OR2L13: variants seen among roughly 807,000 people sequenced by gnomAD.
OR2L13 encodes olfactory receptor 2L13.
Under a neutral mutation model 15.3 loss-of-function variants are expected in OR2L13, and 14 were observed. That is an observed-to-expected ratio of 0.91 (90% CI 0.60 to 1.43). The LOEUF is 1.43. Among genes scored for constraint, OR2L13 ranks in the 40% most tolerant of loss-of-function variants. The probability of loss-of-function intolerance (pLI) is 0.00; values close to 1 mark genes in which losing one functional copy is unlikely to be tolerated. For synonymous variants in OR2L13, 152 were observed against 142.9 expected (o/e 1.06, Z -0.45); for missense variants, 367 against 387.9 (o/e 0.95, Z 0.45).
At chr1:248,054,538 G>C in the OR2L13 span, among the ~76,000 whole-genome samples, 5 of 152,078 alleles carry the variant, frequency 3.3e-5, no homozygotes, top group Non-Finnish European at 7.4e-5. Flanking sequence ...GGGCGGTATG[G>C]CCATTTTCAC....
chr1:247,957,267 C>T, the OR2L13 span, among the ~76,000 whole-genome samples: 1 of 152,172 alleles, frequency 6.6e-6, no homozygotes, highest in East Asian at 1.9e-4. Context: ...ATATGTTGAA[C>T]CAACCTTGCA....
chr1:247,994,418 A>G, the OR2L13 span, among the ~76,000 whole-genome samples: 1 of 151,942 alleles, frequency 6.6e-6, no homozygotes, highest in Non-Finnish European at 1.5e-5. Context: ...AACAAAAAGA[A>G]CTGGGAGTGA....
the OR2L13 span, among the ~76,000 whole-genome samples, chr1:247,991,438 T>C: frequency 6.7e-6 from 1 of 149,320 alleles, no homozygotes; most frequent in East Asian, 2.1e-4. Flanking sequence ...TTTCCTAAAG[T>C]AGTGATCTAT....
chr1:247,993,934 T>C, the OR2L13 span, among the ~76,000 whole-genome samples: 1 of 152,124 alleles, frequency 6.6e-6, no homozygotes, highest in South Asian at 2.1e-4. Context: ...AGAAAGGCTG[T>C]CTCTTCATTT....
At chr1:247,964,772 CAT>C in the OR2L13 span, among the ~76,000 whole-genome samples, 273 of 150,894 alleles carry the variant, frequency 1.8e-3, no homozygotes, top group Admixed American at 2.9e-3. Flanking sequence ...AGTTTACACA[CAT>C]ATGTGTATAT....
the OR2L13 span, among the ~76,000 whole-genome samples, chr1:247,970,254 A>G: frequency 1.3e-5 from 2 of 152,208 alleles, no homozygotes; most frequent in South Asian, 4.1e-4. Context: ...TTTGTAAAAC[A>G]TGACATTTGC....
chr1:248,048,707 G>A, the OR2L13 span, among the ~76,000 whole-genome samples: 1 of 152,020 alleles, frequency 6.6e-6, no homozygotes, highest in African/African-American at 2.4e-5. Flanking sequence ...TGCAAGTAAC[G>A]GAGATCAGTT....
At chr1:248,022,911 A>G in the OR2L13 span, 1 of 1,574,124 alleles carries the variant, frequency 6.4e-7, no homozygotes. Context: ...TTAGAGTCAA[A>G]GCGCTAGGTT....
At chr1:248,031,550 T>A in the OR2L13 span, among the ~76,000 whole-genome samples, 1 of 152,072 alleles carries the variant, frequency 6.6e-6, no homozygotes, top group Non-Finnish European at 1.5e-5. Flanking sequence ...GGAGATGGGG[T>A]CCAGTGACTT....
chr1:247,994,681 T>C, the OR2L13 span, among the ~76,000 whole-genome samples: 1 of 152,146 alleles, frequency 6.6e-6, no homozygotes, highest in Non-Finnish European at 1.5e-5. Flanking sequence ...TCTAGATAGC[T>C]GATGAAGACT....
the OR2L13 span, among the ~76,000 whole-genome samples, chr1:248,016,225 C>A: frequency 2.0e-5 from 3 of 152,136 alleles, no homozygotes; most frequent in African/African-American, 7.2e-5. Context: ...AATTCACTTG[C>A]AACTTGGGCA....
chr1:247,948,376 C>T, the OR2L13 span, among the ~76,000 whole-genome samples: 1 of 152,122 alleles, frequency 6.6e-6, no homozygotes, highest in South Asian at 2.1e-4. Flanking sequence ...GAGTTTGCGT[C>T]AGGCAGTAAA....
chr1:248,091,410 G>GT (rs35273192), upstream of OR2L13, among the ~76,000 whole-genome samples: 21,942 of 152,016 alleles, frequency 0.14, 2,961 homozygotes, highest in African/African-American at 0.36. Flanking sequence ...AGTACTTAGA[G>GT]TTTAGGTTTT....
At chr1:248,048,230 C>T in the OR2L13 span, among the ~76,000 whole-genome samples, 3 of 152,198 alleles carry the variant, frequency 2.0e-5, no homozygotes, top group Non-Finnish European at 4.4e-5. Context: ...CACATACACA[C>T]ATATAAAGCA....
At chr1:247,948,895 T>C in the OR2L13 span, 1 of 1,612,810 alleles carries the variant, frequency 6.2e-7, no homozygotes, top group East Asian at 2.2e-5. Flanking sequence ...GATTTCATCT[T>C]ATTGGGGCTG....
At chr1:248,036,869 C>G in the OR2L13 span, among the ~76,000 whole-genome samples, 1 of 151,980 alleles carries the variant, frequency 6.6e-6, no homozygotes, top group African/African-American at 2.4e-5. Flanking sequence ...CTTTATGGAT[C>G]TTAACAAAAA....
the OR2L13 span, among the ~76,000 whole-genome samples, chr1:247,970,516 G>A: frequency 2.0e-5 from 3 of 152,066 alleles, no homozygotes; most frequent in Non-Finnish European, 4.4e-5. Flanking sequence ...CCTTTCTTTT[G>A]GGTTACTTCT....
At chr1:248,056,929 C>T in the OR2L13 span, among the ~76,000 whole-genome samples, 161 of 151,740 alleles carry the variant, frequency 1.1e-3, 1 homozygote, top group African/African-American at 3.6e-3. Flanking sequence ...GGATTACAGT[C>T]GTGAGCCACT....
At chr1:248,026,666 A>G in the OR2L13 span, among the ~76,000 whole-genome samples, 1 of 152,212 alleles carries the variant, frequency 6.6e-6, no homozygotes, top group Admixed American at 6.5e-5. Flanking sequence ...GATTTCATGG[A>G]CATTTATTTG....
Sources: gnomAD v4.1 joint callset for allele counts (sites outside exome capture counted in the v4.1 genomes callset) on GRCh38, gnomAD v4.1.1 for gene constraint, MANE v1.5 for transcripts, NCBI Gene and HGNC (gene_info 2026-07-23, HGNC 2026-07-21) for gene names.